The following THSD7B variants were observed in gnomAD, a reference collection of about 807,000 sequenced individuals.
The protein encoded by THSD7B is thrombospondin type 1 domain containing 7B, also known as thrombospondin type-1 domain-containing protein 7B.
In THSD7B, 138 loss-of-function variants were observed where a neutral mutation model predicts 213.6. That is an observed-to-expected ratio of 0.65 (90% CI 0.56 to 0.74). The LOEUF is 0.74. THSD7B is among the 30% of genes least tolerant of loss of function. THSD7B has a pLI of 0.00. For missense variants in THSD7B, 1,931 were observed against 1,991.5 expected, an observed-to-expected ratio of 0.97 and a Z score of 0.58; for synonymous variants, 742 against 687.0, an observed-to-expected ratio of 1.08 and a Z score of -1.25.
chr2:136,767,598 TA>T (rs1172538630), intron 1 of THSD7B, among the ~76,000 whole-genome samples: 2 of 152,190 alleles, frequency 1.3e-5, no homozygotes, highest in Non-Finnish European at 2.9e-5. Context: ...TCTGACACTG[TA>T]ACAATATACA....
At chr2:137,024,439 T>G (rs1686507848) in intron 2 of THSD7B, among the ~76,000 whole-genome samples, 1 of 152,164 alleles carries the variant, frequency 6.6e-6, no homozygotes, top group Non-Finnish European at 1.5e-5. Flanking sequence ...ATAGTACGTT[T>G]CTATCATAAT....
chr2:137,541,389 CTA>C (rs1680607334), intron 15 of THSD7B, among the ~76,000 whole-genome samples: 1 of 151,514 alleles, frequency 6.6e-6, no homozygotes, highest in Non-Finnish European at 1.5e-5. Context: ...AAGGAGACAA[CTA>C]TTTTTCAAAT....
intron 21 of THSD7B, among the ~76,000 whole-genome samples, chr2:137,649,150 CTATT>C (rs540555765): frequency 5.9e-5 from 9 of 151,944 alleles, no homozygotes; most frequent in South Asian, 2.1e-4. Flanking sequence ...GTTCTTTGAA[CTATT>C]TATTTATTCT....
chr2:137,636,717 T>C (rs1682838605), intron 20 of THSD7B, among the ~76,000 whole-genome samples: 2 of 152,250 alleles, frequency 1.3e-5, no homozygotes, highest in African/African-American at 2.4e-5. Flanking sequence ...AGAAAATTTA[T>C]GCTCAGAAGA....
At chr2:136,852,555 T>C (rs1190791717) in intron 1 of THSD7B, among the ~76,000 whole-genome samples, 2 of 152,078 alleles carry the variant, frequency 1.3e-5, no homozygotes, top group Admixed American at 1.3e-4. Context: ...CCTACAAAAA[T>C]TGTTAGATGA....
chr2:136,953,380 T>C (rs1685072447), intron 2 of THSD7B, among the ~76,000 whole-genome samples: 2 of 152,146 alleles, frequency 1.3e-5, no homozygotes, highest in Admixed American at 1.3e-4. Context: ...GAACAACTAT[T>C]TTCAGCCTGG....
intron 12 of THSD7B, among the ~76,000 whole-genome samples, chr2:137,383,075 A>G (rs1685812320): frequency 6.6e-6 from 1 of 152,266 alleles, no homozygotes; most frequent in African/African-American, 2.4e-5. Flanking sequence ...ATGAGGCTTG[A>G]CCTTGTGGTT....
chr2:137,175,406 T>C (rs192419156), intron 7 of THSD7B, among the ~76,000 whole-genome samples: 18 of 152,326 alleles, frequency 1.2e-4, no homozygotes, highest in Admixed American at 3.9e-4. Flanking sequence ...AGTTCACATG[T>C]TGAGAGGCAT....
intron 15 of THSD7B, among the ~76,000 whole-genome samples, chr2:137,472,048 A>G (rs1478022235): frequency 6.6e-6 from 1 of 152,220 alleles, no homozygotes; most frequent in Non-Finnish European, 1.5e-5. Context: ...CATTTATGTC[A>G]CAGGCCTACA....
intron 2 of THSD7B, among the ~76,000 whole-genome samples, chr2:136,889,881 G>A (rs373910770): frequency 1.6e-4 from 25 of 151,964 alleles, no homozygotes; most frequent in African/African-American, 5.1e-4. Flanking sequence ...CTTTATTGTC[G>A]TGTTTTCCAG....
intron 15 of THSD7B, among the ~76,000 whole-genome samples, chr2:137,508,271 G>C (rs1367276523): frequency 6.6e-6 from 1 of 151,956 alleles, no homozygotes; most frequent in African/African-American, 2.4e-5. Flanking sequence ...TTATAAACAG[G>C]GCTCTGTTGC....
At chr2:136,779,272 G>A (rs1681680853) in intron 1 of THSD7B, among the ~76,000 whole-genome samples, 1 of 148,654 alleles carries the variant, frequency 6.7e-6, no homozygotes, top group South Asian at 2.2e-4. Flanking sequence ...CCTTGATCAG[G>A]AAAACAACTT....
chr2:137,523,479 G>T (rs976810428), intron 15 of THSD7B, among the ~76,000 whole-genome samples: 10 of 152,166 alleles, frequency 6.6e-5, no homozygotes, highest in African/African-American at 2.2e-4. Context: ...TGGAAGAATT[G>T]ATATGAGAAA....
intron 3 of THSD7B, among the ~76,000 whole-genome samples, chr2:137,075,883 G>A (rs953511732): frequency 5.9e-5 from 9 of 152,302 alleles, no homozygotes; most frequent in African/African-American, 9.6e-5. Flanking sequence ...TATCAGCAGC[G>A]GTGGCTGCTG....
chr2:136,827,809 G>C (rs1232775680), intron 1 of THSD7B, among the ~76,000 whole-genome samples: 4 of 152,216 alleles, frequency 2.6e-5, no homozygotes, highest in East Asian at 3.9e-4. Context: ...GAGAGACACA[G>C]AGAGAGAAAT....
intron 2 of THSD7B, among the ~76,000 whole-genome samples, chr2:136,917,390 A>T (rs554335924): frequency 6.6e-6 from 1 of 152,286 alleles, no homozygotes; most frequent in African/African-American, 2.4e-5. Flanking sequence ...GATGGGGCTG[A>T]TCGTTGCATG....
chr2:136,836,065 G>C (rs182877368), intron 1 of THSD7B, among the ~76,000 whole-genome samples: 1 of 152,132 alleles, frequency 6.6e-6, no homozygotes. Context: ...TGCAGCTGTT[G>C]TCTGTTTTCA....
At chr2:137,585,935 A>G (rs984824294) in intron 17 of THSD7B, among the ~76,000 whole-genome samples, 18 of 152,148 alleles carry the variant, frequency 1.2e-4, no homozygotes, top group Middle Eastern at 3.4e-3. Context: ...TGACAGTGGG[A>G]TGTTAAAGTC....
At chr2:137,252,275 A>AC (rs1682197269) in intron 10 of THSD7B, among the ~76,000 whole-genome samples, 1 of 150,594 alleles carries the variant, frequency 6.6e-6, no homozygotes, top group Non-Finnish European at 1.5e-5. Context: ...TCAAAAAAAA[A>AC]AAAAAAAAAA....
Sources: allele counts gnomAD v4.1 joint callset (sites outside exome capture counted in the v4.1 genomes callset), GRCh38; gene constraint gnomAD v4.1.1; transcripts MANE v1.5; gene names NCBI Gene and HGNC (gene_info 2026-07-23, HGNC 2026-07-21).